Variants in SBF2 observed in about 807,000 individuals in gnomAD.
SBF2 encodes SET binding factor 2.
In SBF2, 112 loss-of-function variants were observed where a neutral mutation model predicts 225.2. The ratio of observed to expected loss-of-function variants is 0.50; its 90% CI spans 0.43 to 0.58. The LOEUF (loss-of-function observed/expected upper bound fraction) is 0.58. Ranked by LOEUF, SBF2 falls within the 20% of genes least tolerant of loss-of-function variation. The pLI, the probability that SBF2 is intolerant of heterozygous loss-of-function variation, is 0.00. For missense variants in SBF2, 1,996 were observed against 2,206.2 expected, an observed-to-expected ratio of 0.90 and a Z score of 1.91; for synonymous variants, 763 against 773.3, an observed-to-expected ratio of 0.99 and a Z score of 0.22.
At chr11:10,286,935 A>G (rs886847852) in intron 1 of SBF2, among the ~76,000 whole-genome samples, 2 of 152,224 alleles carry the variant, frequency 1.3e-5, no homozygotes, top group Admixed American at 1.3e-4. Context: ...ATGAACATGA[A>G]AACATTCAAA....
chr11:10,251,226 C>T (rs1960316236), intron 1 of SBF2, among the ~76,000 whole-genome samples: 1 of 152,140 alleles, frequency 6.6e-6, no homozygotes, highest in Non-Finnish European at 1.5e-5. Context: ...TCTCTTAACC[C>T]ACATCATGGG....
chr11:9,988,201 G>C (rs1421614855), intron 13 of SBF2, among the ~76,000 whole-genome samples: 1 of 152,116 alleles, frequency 6.6e-6, no homozygotes, highest in Non-Finnish European at 1.5e-5. Flanking sequence ...GGGATAATTG[G>C]TTAGCCACAT....
At chr11:9,849,779 T>C (rs1856794989) in intron 22 of SBF2, among the ~76,000 whole-genome samples, 1 of 152,222 alleles carries the variant, frequency 6.6e-6, no homozygotes, top group Admixed American at 6.5e-5. Flanking sequence ...GAAATGAAAT[T>C]ATGATCATTT....
At position 9,900,831 on chromosome 11, in the gene SBF2, G is replaced by C. The variant is rs192442082; in HGVS notation, c.1861-4820C>G. ...AGTTTACTGCAGCCCTGAACTCCTG[G>C]GCTCAAGCGATCCTCCTGCCTCAGC... On this transcript the variant is annotated intron_variant, in intron 16 of 39. Coordinates refer to ENST00000256190, the MANE Select transcript of SBF2 (RefSeq NM_030962.4). Among the ~76,000 whole-genome samples the C allele has an allele frequency of 2.5e-3, 388 of 152,244 alleles. 1 individual carries two copies. Among genetic ancestry groups the C allele is most frequent in the African/African-American group, 8.8e-3 (366 of 41,536 alleles).
chr11:10,250,851 C>T (rs1252639743), intron 1 of SBF2, among the ~76,000 whole-genome samples: 1 of 152,086 alleles, frequency 6.6e-6, no homozygotes, highest in Non-Finnish European at 1.5e-5. Flanking sequence ...TGAGAAGGGT[C>T]CCTCCACACT....
chr11:9,930,696 G>C (rs1020787544), intron 16 of SBF2, among the ~76,000 whole-genome samples: 6 of 152,244 alleles, frequency 3.9e-5, no homozygotes, highest in African/African-American at 1.4e-4. Flanking sequence ...CAGAAGACGG[G>C]TGATTTCTGC....
chr11:9,947,301 G>C (rs139172859), intron 16 of SBF2, among the ~76,000 whole-genome samples: 1 of 152,140 alleles, frequency 6.6e-6, no homozygotes, highest in Non-Finnish European at 1.5e-5. Context: ...TTCCTATCAC[G>C]AGTTTCAGGT....
chr11:9,861,074 A>C (rs1857694774), intron 17 of SBF2, among the ~76,000 whole-genome samples: 1 of 152,218 alleles, frequency 6.6e-6, no homozygotes, highest in Non-Finnish European at 1.5e-5. Flanking sequence ...CTGATTTTGG[A>C]ATATCTGCAT....
intron 2 of SBF2, among the ~76,000 whole-genome samples, chr11:10,134,803 C>T (rs139811877): frequency 0.016 from 2,391 of 152,234 alleles, 24 homozygotes; most frequent in Non-Finnish European, 0.022. Flanking sequence ...GCTGCTTTCA[C>T]GGGCTGCTGT....
intron 16 of SBF2, among the ~76,000 whole-genome samples, chr11:9,936,616 T>C (rs911744071): frequency 2.6e-5 from 4 of 152,158 alleles, no homozygotes; most frequent in Non-Finnish European, 5.9e-5. Flanking sequence ...TGGAATACTA[T>C]GCAGCCATAA....
chr11:9,956,255 G>A (rs963914270), intron 16 of SBF2, among the ~76,000 whole-genome samples: 9 of 152,000 alleles, frequency 5.9e-5, no homozygotes, highest in Admixed American at 5.9e-4. Flanking sequence ...GATGTATGTG[G>A]GCAAGAGCTC....
intron 2 of SBF2, among the ~76,000 whole-genome samples, chr11:10,103,118 G>C (rs1451631308): frequency 1.3e-5 from 2 of 152,088 alleles, no homozygotes; most frequent in Non-Finnish European, 2.9e-5. Flanking sequence ...TCTCCTAACA[G>C]AGTAAACGTT....
At chr11:10,205,954 A>T (rs1305863347) in intron 1 of SBF2, among the ~76,000 whole-genome samples, 1 of 151,976 alleles carries the variant, frequency 6.6e-6, no homozygotes, top group Non-Finnish European at 1.5e-5. Flanking sequence ...ATCCAGAAAC[A>T]CTGGGGTAGT....
chr11:10,257,287 C>T (rs1236811584), intron 1 of SBF2, among the ~76,000 whole-genome samples: 1 of 152,184 alleles, frequency 6.6e-6, no homozygotes, highest in Admixed American at 6.5e-5. Flanking sequence ...AAAAAATCTT[C>T]CAATGTGCTC....
intron 6 of SBF2, among the ~76,000 whole-genome samples, chr11:10,007,098 C>T (rs933236701): frequency 1.1e-4 from 17 of 152,160 alleles, no homozygotes; most frequent in African/African-American, 2.7e-4. Context: ...ATTCTGGAAC[C>T]GCACGGATGA....
chr11:9,807,905 G>A, intron 32 of SBF2, 95 bp downstream of exon 32: 1 of 1,085,898 alleles, frequency 9.2e-7, no homozygotes, highest in Non-Finnish European at 1.4e-6. Context: ...AGTTATGACA[G>A]GAAGGTACCG....
chr11:9,839,457 A>T, intron 26 of SBF2, 41 bp downstream of exon 26: 1 of 1,582,606 alleles, frequency 6.3e-7, no homozygotes, highest in Non-Finnish European at 8.7e-7. Context: ...ATAAGAAGAA[A>T]GGAAGGAAGA....
At chr11:9,921,131 C>G (rs1863594618) in intron 16 of SBF2, among the ~76,000 whole-genome samples, 1 of 131,314 alleles carries the variant, frequency 7.6e-6, no homozygotes, top group Non-Finnish European at 1.5e-5. Context: ...AGTACAATGG[C>G]TTGATCTCAG....
chr11:9,928,242 T>C (rs1864205791), intron 16 of SBF2, among the ~76,000 whole-genome samples: 1 of 152,190 alleles, frequency 6.6e-6, no homozygotes, highest in South Asian at 2.1e-4. Flanking sequence ...TATAAAAATT[T>C]TTCCAAACTC....
Sources: gnomAD v4.1 joint callset for allele counts (sites outside exome capture counted in the v4.1 genomes callset) on GRCh38, gnomAD v4.1.1 for gene constraint, MANE v1.5 for transcripts, NCBI Gene and HGNC (gene_info 2026-07-23, HGNC 2026-07-21) for gene names.